Variants in SUPV3L1 observed in about 807,000 individuals in gnomAD.
SUPV3L1 encodes ATP-dependent RNA helicase SUPV3L1, mitochondrial.
SUPV3L1 carries 35 observed loss-of-function variants against 70.0 expected under a neutral mutation model. That is an observed-to-expected ratio of 0.50 (90% CI 0.38 to 0.66). The LOEUF (loss-of-function observed/expected upper bound fraction) is 0.66, where lower values mean the gene tolerates loss of function less well. SUPV3L1 is among the 30% of genes least tolerant of loss of function. SUPV3L1 has a pLI of 0.00. For missense variants in SUPV3L1, 777 were observed against 961.5 expected, an observed-to-expected ratio of 0.81 and a Z score of 2.54; for synonymous variants, 364 against 341.9, an observed-to-expected ratio of 1.06 and a Z score of -0.71.
chr10:69,185,902 A>T, intron 1 of SUPV3L1, 85 bp from the exon 2 acceptor site: 1 of 953,844 alleles, frequency 1.0e-6, no homozygotes, highest in Non-Finnish European at 1.7e-6. Context: ...TGCTGCCTTT[A>T]GTGTTATTGC....
chr10:69,197,068 G>C lies in SUPV3L1; in HGVS notation c.1008G>C (p.Thr336=), dbSNP rs200795704. ...TGGTGATGGAGCTTATGTACACAACGGGGGAGGAAGTGGAGGTATTCGATT... is the reference window on the plus strand; with the variant it reads ...TGGTGATGGAGCTTATGTACACAACCGGGGAGGAAGTGGAGGTATTCGATT... ...IDLVMELMYT[T]GEEVEVRDYK... Residue 336 remains threonine, a synonymous_variant, in exon 8 of 15, where the codon ACG becomes ACC. Coordinates refer to ENST00000359655, the MANE Select transcript of SUPV3L1 (RefSeq NM_003171.5). The C allele has an allele frequency of 1.6e-3, 2,612 of 1,613,982 alleles. 54 individuals carry two copies. In the South Asian group the frequency reaches 0.026, roughly 16 times the overall value.
At position 69,202,502 on chromosome 10, in the gene SUPV3L1, A is replaced by C. The variant is rs778748267; in HGVS notation, c.1582A>C (p.Thr528Pro). The C allele has an allele frequency of 1.1e-5, 17 of 1,613,320 alleles. No individual in the cohort carries two copies. The highest frequency in any genetic ancestry group is 1.4e-5 in the Non-Finnish European group (17 of 1,179,576). ...EMFAYHLPDA[T>P]LSNLIDIFVD... The stretch of plus-strand genomic sequence containing the variant: ...GTTTGCCTACCATCTCCCTGATGCA[A>C]CACTGTCCAATCTCATTGTAAGTGG... Residue 528 changes from threonine to proline, a missense_variant, in exon 12 of 15, where the codon ACA becomes CCA. By Grantham distance (38) the Thr-to-Pro change is conservative. Transcript: ENST00000359655.
intron 13 of SUPV3L1, among the ~76,000 whole-genome samples, chr10:69,203,639 G>T (rs934676530): frequency 1.4e-5 from 2 of 147,814 alleles, no homozygotes; most frequent in African/African-American, 4.9e-5. Context: ...ACTCCAGCCT[G>T]GGTGACAGAG....
At chr10:69,194,439 C>T (rs188325499) in intron 6 of SUPV3L1, among the ~76,000 whole-genome samples, 175 of 152,020 alleles carry the variant, frequency 1.2e-3, no homozygotes, top group Non-Finnish European at 2.1e-3. Flanking sequence ...GCAGGCTCCG[C>T]CTCCCGGGAT....
At chr10:69,195,476 T>C (rs1395017224) in intron 7 of SUPV3L1, 2 of 390,094 alleles carry the variant, frequency 5.1e-6, no homozygotes, top group African/African-American at 4.1e-5. Flanking sequence ...CATAACCATG[T>C]AATTAAAGTT....
chr10:69,189,304 T>G lies in SUPV3L1; in HGVS notation c.610T>G (p.Phe204Val). ...DARAMQRKII[F>V]HSGPTNSGKT... The stretch of plus-strand genomic sequence containing the variant: ...TAGAGCCATGCAGCGGAAGATAATA[T>G]TTCATTCAGGCCCCACAAACAGTGG... The change falls in exon 5 of 15, where the codon TTT (phenylalanine) becomes GTT (valine). Residue 204 changes from phenylalanine (F) to valine (V), a missense_variant. Physicochemically the swap from Phe to Val is conservative, Grantham distance 50. This residue lies in a region of SUPV3L1 where 619 missense variants were observed against 823.3 expected (regional missense o/e 0.75). Coordinates refer to ENST00000359655, the MANE Select transcript of SUPV3L1 (RefSeq NM_003171.5). 2 of 1,614,100 alleles carry G rather than the reference T, an allele frequency of 1.2e-6. No homozygotes were observed. Among genetic ancestry groups the G allele is most frequent in the African/African-American group, 2.7e-5 (2 of 75,056 alleles).
In SUPV3L1 at chr10:69,208,906, T is replaced by A; in HGVS notation, c.2232T>A (p.Thr744=). ...GATTGGTGCAGCAAGGACTCCTCAC[T>A]CCAGACATGCTGAAACAGCTAGAAA... ...ASRLVQQGLL[T]PDMLKQLEKE... Residue 744 remains threonine, a synonymous_variant, in exon 15 of 15, where the codon ACT becomes ACA. Coordinates refer to ENST00000359655, the MANE Select transcript of SUPV3L1 (RefSeq NM_003171.5). 1 of 1,613,886 alleles carries A rather than the reference T, an allele frequency of 6.2e-7. No individual in the cohort carries two copies. The highest frequency in any genetic ancestry group is 8.5e-7 in the Non-Finnish European group (1 of 1,180,008).
intron 13 of SUPV3L1, among the ~76,000 whole-genome samples, chr10:69,204,041 A>T (rs1174572180): frequency 1.3e-5 from 2 of 152,182 alleles, no homozygotes; most frequent in Non-Finnish European, 2.9e-5. Context: ...TTTAATTATT[A>T]AAAATGTTTT....
At chr10:69,198,127 T>TGA (rs1842589866) in intron 8 of SUPV3L1, among the ~76,000 whole-genome samples, 1 of 152,204 alleles carries the variant, frequency 6.6e-6, no homozygotes, top group Non-Finnish European at 1.5e-5. Context: ...ATGAAATATA[T>TGA]GAGAAAAAGC....
At chr10:69,186,798 C>G (rs1319403738) in intron 3 of SUPV3L1, among the ~76,000 whole-genome samples, 1 of 152,076 alleles carries the variant, frequency 6.6e-6, no homozygotes, top group Non-Finnish European at 1.5e-5. Context: ...GAAATAAGCT[C>G]TCACACAAGT....
chr10:69,208,545 G>C (rs1842896181), intron 14 of SUPV3L1, 55 bp from the exon 15 acceptor site: 3 of 1,541,682 alleles, frequency 1.9e-6, no homozygotes. Flanking sequence ...ATTGAGAGTT[G>C]TCCAGTGACT....
chr10:69,193,001 C>A (rs1842436340), intron 6 of SUPV3L1: 1 of 152,218 alleles, frequency 6.6e-6, no homozygotes, highest in Non-Finnish European at 1.5e-5. Flanking sequence ...GTATAACCCA[C>A]CGCACCTGGC....
At chr10:69,190,656 T>A (rs1842367581) in intron 5 of SUPV3L1, among the ~76,000 whole-genome samples, 1 of 152,260 alleles carries the variant, frequency 6.6e-6, no homozygotes, top group Non-Finnish European at 1.5e-5. Context: ...AGGGTTCTTT[T>A]CAGGGTCTTA....
chr10:69,180,339 C>G lies in SUPV3L1; in HGVS notation c.48C>G (p.Arg16=), dbSNP rs759088953. 3.7e-6 allele frequency: 6 copies of G among 1,613,976 alleles called. No individual in the cohort carries two copies. In the Admixed American group the frequency reaches 1.0e-4, roughly 27 times the overall value. The change falls in exon 1 of 15, where the codon CGC becomes CGG. Residue 16 remains arginine, a synonymous_variant. Transcript: ENST00000359655. ...TGTGGGCTCGGCTCCCGGCGGGGCG[C>G]CAGGCTGGCCACCGGGCAGCCATCT... ...ALLWARLPAG[R]QAGHRAAICS... is the part of the protein sequence containing the mutation.
Position 69,200,342 on chromosome 10 carries a change from G to A in SUPV3L1, c.1361G>A (p.Arg454Lys). Residue 454 changes from arginine to lysine, a missense_variant, in exon 11 of 15, where the codon AGA becomes AAA. Coordinates refer to ENST00000359655, the MANE Select transcript of SUPV3L1 (RefSeq NM_003171.5). ...CCCAGTATCAATGAAAAGGGAGAGA[G>A]AGAACTAGAACCAATCACAACCTCT... ...IKPSINEKGE[R>K]ELEPITTSQA... 6.2e-7 allele frequency: 1 copy of A among 1,614,110 alleles called. No individual in the cohort carries two copies. The highest frequency in any genetic ancestry group is 8.5e-7 in the Non-Finnish European group (1 of 1,180,028).
intron 1 of SUPV3L1, chr10:69,182,428 ATTATT>A (rs1842093123): frequency 6.6e-6 from 5 of 755,496 alleles, no homozygotes; most frequent in Non-Finnish European, 8.1e-6. Flanking sequence ...ACAATTTTCC[ATTATT>A]TTATATTATT....
chr10:69,208,087 A>G, intron 14 of SUPV3L1, 146 bp downstream of exon 14: 2 of 1,063,124 alleles, frequency 1.9e-6, no homozygotes, highest in Non-Finnish European at 2.7e-6. Context: ...AATTCAACTG[A>G]TGGAATGGTT....
intron 1 of SUPV3L1, among the ~76,000 whole-genome samples, chr10:69,181,118 G>A (rs772810430): frequency 1.3e-5 from 2 of 152,198 alleles, no homozygotes; most frequent in African/African-American, 2.4e-5. Flanking sequence ...ACATGACAAG[G>A]TCTAGAACAA....
At chr10:69,204,478 T>C (rs748794825) in intron 13 of SUPV3L1, among the ~76,000 whole-genome samples, 4 of 152,202 alleles carry the variant, frequency 2.6e-5, no homozygotes, top group South Asian at 2.1e-4. Flanking sequence ...CCCAGCACTT[T>C]GGGAGGCAGG....
Sources: gnomAD v4.1 joint callset for allele counts (sites outside exome capture counted in the v4.1 genomes callset) on GRCh38, gnomAD v4.1.1 for gene constraint, gnomAD v4.1.1 regional missense constraint, MANE v1.5 for transcripts, NCBI Gene and HGNC (gene_info 2026-07-23, HGNC 2026-07-21) for gene names.